Variants in RC3H2 observed in about 807,000 individuals in gnomAD.
The protein encoded by RC3H2 is roquin-2.
RC3H2 carries 31 observed loss-of-function variants against 133.3 expected under a neutral mutation model. That is an observed-to-expected ratio of 0.23 (90% CI 0.17 to 0.31). RC3H2 has a LOEUF of 0.31. Among genes scored for constraint, RC3H2 ranks in the 10% least tolerant of loss-of-function variants. The pLI, the probability that RC3H2 is intolerant of heterozygous loss-of-function variation, is 1.00. For missense variants in RC3H2, 1,175 were observed against 1,437.2 expected, an observed-to-expected ratio of 0.82 and a Z score of 2.95; for synonymous variants, 517 against 502.2, an observed-to-expected ratio of 1.03 and a Z score of -0.40.
chr9:122,849,168 G>A lies in RC3H2; in HGVS notation c.*459C>T, dbSNP rs1163698811. 1 of 151,864 alleles carries A rather than the reference G, an allele frequency of 6.6e-6. No homozygotes were observed. The highest frequency in any genetic ancestry group is 1.5e-5 in the Non-Finnish European group (1 of 67,986). The allele number at this position is 151,864 out of a possible 1,614,324, so 9.4% of individuals were successfully genotyped here. ...CATGAAAAAGATAAATAAAGCAGCT[G>A]GAATGAGATGGAAACTTCTCTCAGT... is the stretch of plus-strand genomic sequence containing the variant. On this transcript the variant is annotated 3_prime_UTR_variant, in exon 21 of 21. Coordinates refer to ENST00000357244, the MANE Select transcript of RC3H2 (RefSeq NM_001100588.3).
rs892898395 is a variant in RC3H2, at chr9:122,894,127, C to T, written c.232-1101G>A. Among the ~76,000 whole-genome samples the T allele has an allele frequency of 7.9e-5, 12 of 151,986 alleles. 1 individual carries two copies. Among genetic ancestry groups the T allele is most frequent in the South Asian group, 4.2e-4 (2 of 4,812 alleles). On this transcript the variant is annotated intron_variant, in intron 2 of 20. Transcript: ENST00000357244. Reference sequence around the variant, plus strand: ...ACAAAAAATTAGCCGGGCGTGGTGGCGGGCACCTGTAGTCCCAGTTACTCC... The same window carrying T: ...ACAAAAAATTAGCCGGGCGTGGTGGTGGGCACCTGTAGTCCCAGTTACTCC...
At chr9:122,888,081 C>A (rs1832007466) in intron 4 of RC3H2, among the ~76,000 whole-genome samples, 1 of 152,004 alleles carries the variant, frequency 6.6e-6, no homozygotes, top group East Asian at 1.9e-4. Flanking sequence ...AGTCTTGGTT[C>A]TGGTGGCATT....
At chr9:122,852,074 T>C (rs1588048928) in intron 18 of RC3H2, among the ~76,000 whole-genome samples, 1 of 130,492 alleles carries the variant, frequency 7.7e-6, no homozygotes, top group African/African-American at 3.0e-5. Flanking sequence ...CCGGCCGCCA[T>C]CACATCTAGG....
intron 20 of RC3H2, 64 bp downstream of exon 20, chr9:122,851,017 C>G: frequency 6.4e-7 from 1 of 1,563,884 alleles, no homozygotes; most frequent in Non-Finnish European, 8.7e-7. Context: ...AAATTAATTT[C>G]GCATTTTTTT....
intron 4 of RC3H2, among the ~76,000 whole-genome samples, chr9:122,889,720 A>G (rs1226253822): frequency 2.6e-5 from 4 of 152,184 alleles, no homozygotes; most frequent in Admixed American, 6.5e-5. Context: ...TTAGGCCTCT[A>G]ACTTGGTTTT....
chr9:122,869,431 CCTT>C (rs1442085130), intron 9 of RC3H2, among the ~76,000 whole-genome samples: 1 of 152,076 alleles, frequency 6.6e-6, no homozygotes, highest in East Asian at 1.9e-4. Flanking sequence ...CTTCTCTTCT[CCTT>C]CTCTTTAACA....
intron 14 of RC3H2, 38 bp from the exon 15 acceptor site, chr9:122,855,435 G>A (rs374287508): frequency 6.5e-7 from 1 of 1,550,370 alleles, no homozygotes; most frequent in East Asian, 2.2e-5. Flanking sequence ...AGGACTGTTG[G>A]CAATTACTTC....
Position 122,844,898 on chromosome 9 carries a change from C to G in RC3H2, c.*4729G>C, listed in dbSNP as rs952746515. On this transcript the variant is annotated 3_prime_UTR_variant, in exon 21 of 21. Coordinates refer to ENST00000357244, the MANE Select transcript of RC3H2 (RefSeq NM_001100588.3). ...AAATAAATGGAATAGAATTTATTCC[C>G]ATATATATTCCCCATTTCATTGTAC... The G allele has an allele frequency of 6.6e-6, 1 of 152,040 alleles. No homozygotes were observed. Among genetic ancestry groups the G allele is most frequent in the African/African-American group, 2.4e-5 (1 of 41,360 alleles). 9.4% of individuals were successfully genotyped at this position (152,040 alleles called of 1,614,324 possible).
intron 9 of RC3H2, among the ~76,000 whole-genome samples, chr9:122,867,557 T>C (rs75062370): frequency 3.4e-5 from 3 of 87,276 alleles, no homozygotes; most frequent in Admixed American, 9.9e-5. Context: ...CCCCTCTGCC[T>C]GGCTGCCCAG....
intron 2 of RC3H2, 70 bp from the exon 3 acceptor site, chr9:122,893,096 C>T (rs1832258225): frequency 2.0e-6 from 3 of 1,528,210 alleles, no homozygotes; most frequent in South Asian, 2.4e-5. Context: ...TATTTATGTA[C>T]TTGATAATAA....
intron 1 of RC3H2, among the ~76,000 whole-genome samples, chr9:122,901,239 A>C (rs973791193): frequency 1.3e-5 from 2 of 152,192 alleles, no homozygotes; most frequent in Admixed American, 6.5e-5. Flanking sequence ...ATTCTTGTTA[A>C]CCTATGTGAG....
intron 9 of RC3H2, among the ~76,000 whole-genome samples, chr9:122,866,550 G>A (rs925343751): frequency 1.3e-5 from 2 of 152,018 alleles, no homozygotes; most frequent in African/African-American, 2.4e-5. Flanking sequence ...GATTGCAGGC[G>A]CGCGCCGCCA....
At position 122,855,715 on chromosome 9, in the gene RC3H2, C is replaced by A. The variant is rs767693716; in HGVS notation, c.2601+17G>T. On this transcript the variant is annotated intron_variant, in intron 14 of 20. Coordinates refer to ENST00000357244, the MANE Select transcript of RC3H2 (RefSeq NM_001100588.3). ...CATCTCTCACCTCCAACCCCTGCAA[C>A]CCCAGCAAAATCATACCATTAACAC... The A allele has an allele frequency of 6.2e-6, 10 of 1,603,154 alleles. No homozygotes were observed. The highest frequency in any genetic ancestry group is 1.7e-5 in the Admixed American group (1 of 58,156).
chr9:122,888,642 C>T (rs1832033238), intron 4 of RC3H2, among the ~76,000 whole-genome samples: 2 of 152,192 alleles, frequency 1.3e-5, no homozygotes, highest in African/African-American at 2.4e-5. Context: ...CACACCCTAG[C>T]AGAATATATA....
intron 6 of RC3H2, chr9:122,880,333 ACT>A (rs368898041): frequency 3.4e-5 from 27 of 793,774 alleles, no homozygotes; most frequent in Middle Eastern, 3.2e-4. Context: ...AGCTGTATTA[ACT>A]CTCTGAGGTC....
chr9:122,852,748 G>T, intron 18 of RC3H2, among the ~76,000 whole-genome samples: 1 of 150,878 alleles, frequency 6.6e-6, no homozygotes, highest in Middle Eastern at 3.4e-3. Flanking sequence ...GCCCCGTCCG[G>T]GAGGGAGGTG....
intron 9 of RC3H2, among the ~76,000 whole-genome samples, chr9:122,867,609 A>G (rs1830767793): frequency 8.9e-6 from 1 of 112,562 alleles, no homozygotes; most frequent in Non-Finnish European, 1.9e-5. Context: ...CATCCCATCT[A>G]GGAAGTGAGG....
chr9:122,853,883 G>GT (rs754636693), intron 18 of RC3H2, 69 bp downstream of exon 18: 14 of 1,614,074 alleles, frequency 8.7e-6, no homozygotes, highest in Non-Finnish European at 1.2e-5. Flanking sequence ...CTCAGTAATG[G>GT]TATAACCAAG....
intron 1 of RC3H2, among the ~76,000 whole-genome samples, chr9:122,901,870 TG>T (rs917445082): frequency 2.0e-5 from 3 of 151,846 alleles, no homozygotes; most frequent in Admixed American, 6.6e-5. Context: ...ATTACAGGCA[TG>T]AGCCTCGGCG....
Sources: gnomAD v4.1 joint callset for allele counts (sites outside exome capture counted in the v4.1 genomes callset) on GRCh38, gnomAD v4.1.1 for gene constraint, MANE v1.5 for transcripts, NCBI Gene and HGNC (gene_info 2026-07-23, HGNC 2026-07-21) for gene names.